BCORL1: variants seen among roughly 807,000 people sequenced by gnomAD.
The protein encoded by BCORL1 is BCL6 corepressor like 1, also known as BCL-6 corepressor-like protein 1.
In BCORL1, 7 loss-of-function variants were observed where a neutral mutation model predicts 87.6. The ratio of observed to expected loss-of-function variants is 0.08; its 90% confidence interval spans 0.05 to 0.15. BCORL1 has a LOEUF of 0.15. Among genes scored for constraint, BCORL1 ranks in the 10% least tolerant of loss-of-function variants. The pLI is 1.00. For synonymous variants in BCORL1, 591 were observed against 634.4 expected (o/e 0.93, Z 1.03); for missense variants, 1,215 against 1,499.7 (o/e 0.81, Z 3.13).
intron 6 of BCORL1, 118 bp downstream of exon 6, chrX:130,023,095 GC>G: frequency 1.6e-6 from 1 of 622,990 alleles, no homozygotes; most frequent in Non-Finnish European, 2.6e-6. Context: ...GATTCACTGT[GC>G]CACAATGCCC....
Position 130,015,105 on chromosome X carries a change from A to G in BCORL1, c.2333A>G (p.Gln778Arg), listed in dbSNP as rs753206050. The G allele has an allele frequency of 8.3e-7, 1 of 1,210,989 alleles. No homozygotes were observed. ...KKGSQAGAEG[Q>R]PSTVKRYTPA... ...GGCAGCCAGGCTGGTGCTGAGGGAC[A>G]GCCAAGCACAGTGAAACGATATACT... Residue 778 changes from glutamine (Q) to arginine (R), a missense_variant, in exon 4 of 14, where the codon CAG (glutamine) becomes CGG (arginine). By Grantham distance (43) the Gln-to-Arg change is conservative. This residue lies in a region of BCORL1 where 861 missense variants were observed against 1,010.0 expected (regional missense o/e 0.85). Coordinates refer to ENST00000540052, the MANE Select transcript of BCORL1 (RefSeq NM_001379451.1).
At position 130,021,856 on chromosome X, in the gene BCORL1, C is replaced by T. The variant is rs759629720; in HGVS notation, c.3607+706C>T. Among the ~76,000 whole-genome samples the T allele has an allele frequency of 4.5e-5, 5 of 111,159 alleles. No homozygotes were observed. In the South Asian group the frequency reaches 1.5e-3, roughly 34 times the overall value. ...TAGAGGGAGTTCAGTGGCACAATATCGGTTCACTGCAGCCTCAACCTCCTG... is the reference window on the plus strand; with the variant it reads ...TAGAGGGAGTTCAGTGGCACAATATTGGTTCACTGCAGCCTCAACCTCCTG... On this transcript the variant is annotated intron_variant, in intron 5 of 13. Transcript: ENST00000540052.
intron 5 of BCORL1, among the ~76,000 whole-genome samples, chrX:130,022,416 T>A (rs1437439229): frequency 9.3e-6 from 1 of 107,416 alleles, no homozygotes; most frequent in Non-Finnish European, 1.9e-5. Flanking sequence ...CCCGGCGAAT[T>A]TTTGTATTTT....
chrX:130,005,214 T>G lies in BCORL1; in HGVS notation c.-18T>G. 8.4e-7 allele frequency: 1 copy of G among 1,196,047 alleles called. No homozygotes were observed. The highest frequency in any genetic ancestry group is 1.1e-6 in the Non-Finnish European group (1 of 884,401). Reference sequence around the variant, plus strand: ...GGGAGTGGCCACAGCAGGTCCTATCTGGTGGTGAGTGGCTGTCATGATCTC... The same window carrying G: ...GGGAGTGGCCACAGCAGGTCCTATCGGGTGGTGAGTGGCTGTCATGATCTC... On this transcript the variant is annotated 5_prime_UTR_variant, in exon 2 of 14. Transcript: ENST00000540052.
chrX:130,034,539 A>C lies in BCORL1; in HGVS notation c.4390A>C (p.Lys1464Gln). The stretch of plus-strand genomic sequence containing the variant: ...ACCCACAGAACCATGTACACCCTCT[A>C]AGTCCCGAAGTGCCAGCTCAGAGGA... The part of the protein sequence containing the change: ...VKPTEPCTPS[K>Q]SRSASSEEAS... Residue 1464 changes from lysine (K) to glutamine (Q), a missense_variant, in exon 9 of 14, where the codon AAG becomes CAG. Physicochemically the swap from Lys to Gln is moderately conservative, Grantham distance 53 (BLOSUM62 1). This residue lies in a region of BCORL1 where 166 missense variants were observed against 196.5 expected (regional missense o/e 0.84). Coordinates refer to ENST00000540052, the MANE Select transcript of BCORL1 (RefSeq NM_001379451.1). 1.0e-5 allele frequency: 10 copies of C among 982,715 alleles called. No homozygotes were observed. The highest frequency in any genetic ancestry group is 1.3e-5 in the Non-Finnish European group (10 of 755,850). The allele number at this position is 982,715 out of a possible 1,213,427, so 81.0% of individuals were successfully genotyped here.
At chrX:130,011,386 T>C (rs1282087342) in intron 2 of BCORL1, among the ~76,000 whole-genome samples, 3 of 110,655 alleles carry the variant, frequency 2.7e-5, no homozygotes, top group African/African-American at 9.9e-5. Context: ...TACAGGTGCC[T>C]GCCATCACGC....
At chrX:129,984,916 A>C (rs888086874) in intron 1 of BCORL1, among the ~76,000 whole-genome samples, 1 of 111,596 alleles carries the variant, frequency 9.0e-6, no homozygotes, top group Non-Finnish European at 1.9e-5. Flanking sequence ...CCTGGAGTAG[A>C]CAGTAAAGAC....
At chrX:130,040,244 C>A (rs1931228923) in intron 11 of BCORL1, among the ~76,000 whole-genome samples, 1 of 112,385 alleles carries the variant, frequency 8.9e-6, no homozygotes, top group African/African-American at 3.2e-5. Context: ...CTCACCCAGA[C>A]TTTGGCCCTA....
chrX:130,011,815 G>A (rs1488129792), intron 2 of BCORL1, among the ~76,000 whole-genome samples: 2 of 110,598 alleles, frequency 1.8e-5, no homozygotes, highest in African/African-American at 6.6e-5. Context: ...ACTGATGGGG[G>A]GGCAGGGAGG....
intron 1 of BCORL1, among the ~76,000 whole-genome samples, chrX:129,996,650 T>C (rs952638374): frequency 2.7e-5 from 3 of 111,694 alleles, no homozygotes; most frequent in Admixed American, 9.6e-5. Flanking sequence ...ACAGGATCTC[T>C]CTTTGTCACC....
intron 1 of BCORL1, among the ~76,000 whole-genome samples, chrX:129,984,200 C>A (rs1294373353): frequency 1.9e-5 from 2 of 104,732 alleles, no homozygotes; most frequent in Non-Finnish European, 4.0e-5. Context: ...CGCTGCTGCT[C>A]CTGCTGGGGC....
At chrX:130,004,589 T>C (rs1250047065) in intron 1 of BCORL1, among the ~76,000 whole-genome samples, 3 of 111,924 alleles carry the variant, frequency 2.7e-5, no homozygotes, top group Non-Finnish European at 5.6e-5. Flanking sequence ...GTTTGTTTGC[T>C]TGTTGGTGGT....
At chrX:129,981,317 A>G (rs1484392164), upstream of BCORL1, 2 of 110,842 alleles carry the variant, frequency 1.8e-5, no homozygotes, top group Non-Finnish European at 3.8e-5. Flanking sequence ...TTCTTCAGCC[A>G]TCTGACTCTC....
At chrX:130,047,137 TG>T (rs1931805977) in intron 11 of BCORL1, among the ~76,000 whole-genome samples, 1 of 111,970 alleles carries the variant, frequency 8.9e-6, no homozygotes, top group Non-Finnish European at 1.9e-5. Context: ...ACGCCATTGA[TG>T]GACATTTGGG....
chrX:129,985,878 G>A (rs1603054298), intron 1 of BCORL1, among the ~76,000 whole-genome samples: 3 of 109,402 alleles, frequency 2.7e-5, no homozygotes. Context: ...TTTTTAGATG[G>A]AGTCTCAGTC....
At chrX:130,054,288 C>T (rs1228432280) in intron 13 of BCORL1, among the ~76,000 whole-genome samples, 1 of 111,922 alleles carries the variant, frequency 8.9e-6, no homozygotes, top group African/African-American at 3.2e-5. Flanking sequence ...TTTTGCAACC[C>T]TTTCAGAAAT....
Position 130,056,034 on chromosome X carries a change from A to AT in BCORL1, c.5257dup (p.Ser1753PhefsTer7), listed in dbSNP as rs1248905110. On this transcript the variant is annotated frameshift_variant, in exon 14 of 14. Transcript: ENST00000540052. LOFTEE classifies it high-confidence loss of function. ...AGAGGCCTGGAGGCTTGGACGACAGATCCCCCCCAGGCTCCTCTGAGACTG... is the reference window on the plus strand; with the variant it reads ...AGAGGCCTGGAGGCTTGGACGACAGATTCCCCCCCAGGCTCCTCTGAGACTG... 8.3e-7 allele frequency: 1 copy of AT among 1,211,715 alleles called. No individual in the cohort carries two copies.
chrX:130,033,169 C>A (rs1216748140), intron 8 of BCORL1, among the ~76,000 whole-genome samples: 1 of 109,350 alleles, frequency 9.1e-6, no homozygotes, highest in Non-Finnish European at 1.9e-5. Context: ...GCAACCTCCC[C>A]CTCCCGGGCT....
At chrX:129,991,038 C>T (rs1301901676) in intron 1 of BCORL1, among the ~76,000 whole-genome samples, 5 of 111,792 alleles carry the variant, frequency 4.5e-5, no homozygotes, top group African/African-American at 1.6e-4. Flanking sequence ...TGGGTTCAAG[C>T]GATTCTTCTG....
Sources: allele counts gnomAD v4.1 joint callset (sites outside exome capture counted in the v4.1 genomes callset), GRCh38; gene constraint gnomAD v4.1.1; regional missense constraint gnomAD v4.1.1; transcripts MANE v1.5; gene names NCBI Gene and HGNC (gene_info 2026-07-23, HGNC 2026-07-21).